The following ZNF407 variants were observed in gnomAD, a reference collection of about 807,000 sequenced individuals.
The protein encoded by ZNF407 is zinc finger protein 407.
In ZNF407, 17 loss-of-function variants were observed where a neutral mutation model predicts 131.2. The observed-to-expected ratio is 0.13, with a 90% CI of 0.09 to 0.19. ZNF407 has a LOEUF of 0.19. Among genes scored for constraint, ZNF407 ranks in the 10% least tolerant of loss-of-function variants. The pLI, the probability that ZNF407 is intolerant of heterozygous loss-of-function variation, is 1.00. For synonymous variants in ZNF407, 1,156 were observed against 1,062.0 expected, an observed-to-expected ratio of 1.09 and a Z score of -1.72; for missense variants, 2,681 against 2,830.6, an observed-to-expected ratio of 0.95 and a Z score of 1.20.
chr18:74,599,914 G>GT, intron 1 of ZNF407, among the ~76,000 whole-genome samples: 1 of 152,262 alleles, frequency 6.6e-6, no homozygotes. Context: ...GTTGAGATTG[G>GT]TTTTTTAGGA....
At chr18:75,003,870 C>A (rs1223215555) in intron 8 of ZNF407, among the ~76,000 whole-genome samples, 1 of 152,172 alleles carries the variant, frequency 6.6e-6, no homozygotes, top group Non-Finnish European at 1.5e-5. Flanking sequence ...AGAGTTAGAA[C>A]CTTCTACAGA....
intron 7 of ZNF407, among the ~76,000 whole-genome samples, chr18:74,897,306 TTTTG>T (rs1971465417): frequency 6.6e-6 from 1 of 152,240 alleles, no homozygotes; most frequent in African/African-American, 2.4e-5. Context: ...AGATCCTACT[TTTTG>T]TTGATCAGTT....
At chr18:75,021,323 C>T (rs1339065309) in intron 8 of ZNF407, among the ~76,000 whole-genome samples, 1 of 151,834 alleles carries the variant, frequency 6.6e-6, no homozygotes, top group Non-Finnish European at 1.5e-5. Flanking sequence ...GGCTGGAGTA[C>T]AGTGGTGCAA....
At chr18:74,881,754 T>A (rs930415147) in intron 6 of ZNF407, among the ~76,000 whole-genome samples, 2 of 152,362 alleles carry the variant, frequency 1.3e-5, no homozygotes, top group Middle Eastern at 6.8e-3. Context: ...TGTGCATTCT[T>A]GGTGATTCAT....
chr18:74,673,917 T>C (rs931551806), intron 3 of ZNF407, among the ~76,000 whole-genome samples: 1 of 152,198 alleles, frequency 6.6e-6, no homozygotes, highest in Non-Finnish European at 1.5e-5. Context: ...ATCAAAGCCC[T>C]CTGACCTACC....
rs754506078 is a variant in ZNF407 at position 74,834,308 on chromosome 18, T to C, written c.4878-42889T>C. ...AAAAATTGGCCCCATAGGGCCTTCT[T>C]GCAGCATGACCCAATTCCTTTACTT... On this transcript the variant is annotated intron_variant, in intron 4 of 8. Coordinates refer to ENST00000299687, the MANE Select transcript of ZNF407 (RefSeq NM_017757.3). Among the ~76,000 whole-genome samples the C allele has an allele frequency of 9.2e-4, 140 of 152,350 alleles. 2 individuals are homozygous for C. Among genetic ancestry groups the C allele is most frequent in the Admixed American group, 3.2e-3 (49 of 15,306 alleles).
chr18:74,672,031 T>A (rs1986159151), intron 3 of ZNF407, among the ~76,000 whole-genome samples: 1 of 152,176 alleles, frequency 6.6e-6, no homozygotes, highest in South Asian at 2.1e-4. Flanking sequence ...TTTGTGGGCA[T>A]GTGTCTTTAT....
chr18:74,914,553 C>G (rs1338434072), intron 7 of ZNF407, among the ~76,000 whole-genome samples: 1 of 152,144 alleles, frequency 6.6e-6, no homozygotes, highest in Non-Finnish European at 1.5e-5. Flanking sequence ...CTTACCTTCT[C>G]TAAAGAAAAA....
rs191828642 is a variant in ZNF407, at chr18:74,905,743, G to A, written c.5250-14771G>A. 74 of 152,302 alleles carry A rather than the reference G, an allele frequency of 4.9e-4. 1 individual carries two copies. The East Asian group carries it at 0.014, about 29-fold the overall frequency. 9.4% of individuals were successfully genotyped at this position (152,302 alleles called of 1,614,324 possible). A position where few individuals can be genotyped will look rare whatever the true frequency, so the allele number is the denominator to read the frequency against. ...AGATTTATGAAAAGCAAAAAGTAATGAGTAAATGATCTAATGGAAATTATC... is the reference window on the plus strand; with the variant it reads ...AGATTTATGAAAAGCAAAAAGTAATAAGTAAATGATCTAATGGAAATTATC... On this transcript the variant is annotated intron_variant, in intron 7 of 8. Coordinates refer to ENST00000299687, the MANE Select transcript of ZNF407 (RefSeq NM_017757.3).
intron 7 of ZNF407, among the ~76,000 whole-genome samples, chr18:74,902,313 T>C (rs1971537103): frequency 6.6e-6 from 1 of 152,214 alleles, no homozygotes; most frequent in Non-Finnish European, 1.5e-5. Context: ...ACAGCAGTTA[T>C]TCAAGTCGAG....
intron 3 of ZNF407, among the ~76,000 whole-genome samples, chr18:74,671,402 G>A (rs1448264949): frequency 6.6e-6 from 1 of 151,762 alleles, no homozygotes; most frequent in Non-Finnish European, 1.5e-5. Context: ...ATGTGAAGGT[G>A]TGTTATATAG....
chr18:74,755,763 T>C (rs1343375559), intron 3 of ZNF407, among the ~76,000 whole-genome samples: 1 of 127,170 alleles, frequency 7.9e-6, no homozygotes, highest in African/African-American at 3.6e-5. Flanking sequence ...CTTTCTTTCT[T>C]TCTTTCTTTC....
At chr18:74,905,555 C>T (rs534782589) in intron 7 of ZNF407, 1 of 152,362 alleles carries the variant, frequency 6.6e-6, no homozygotes, top group South Asian at 2.1e-4. Context: ...CAGTGTTCAT[C>T]CACTTCTGTG....
intron 8 of ZNF407, among the ~76,000 whole-genome samples, chr18:75,031,837 T>C (rs1387812552): frequency 3.3e-5 from 5 of 152,234 alleles, no homozygotes; most frequent in African/African-American, 1.2e-4. Flanking sequence ...TTGTATTAAG[T>C]GTTTTTTGAG....
chr18:74,682,287 C>A (rs760384834), intron 3 of ZNF407, among the ~76,000 whole-genome samples: 5 of 152,090 alleles, frequency 3.3e-5, no homozygotes, highest in Non-Finnish European at 5.9e-5. Flanking sequence ...AACAGTTGAC[C>A]CTGTTCTTGG....
intron 4 of ZNF407, among the ~76,000 whole-genome samples, chr18:74,801,177 A>T (rs1970013165): frequency 6.6e-6 from 1 of 152,174 alleles, no homozygotes; most frequent in South Asian, 2.1e-4. Context: ...ATCAATTATC[A>T]ACTAATTTTT....
intron 3 of ZNF407, among the ~76,000 whole-genome samples, chr18:74,665,537 G>A (rs144148363): frequency 2.6e-5 from 4 of 152,294 alleles, no homozygotes; most frequent in African/African-American, 9.6e-5. Context: ...TGAGAAATAC[G>A]TGTTTTGGCT....
intron 3 of ZNF407, among the ~76,000 whole-genome samples, chr18:74,775,955 G>A (rs1003329402): frequency 1.3e-5 from 2 of 152,156 alleles, no homozygotes; most frequent in South Asian, 2.1e-4. Flanking sequence ...TAAACTGCTC[G>A]TTAGAAATCT....
chr18:74,860,835 A>C (rs1348460072), intron 4 of ZNF407, among the ~76,000 whole-genome samples: 1 of 152,160 alleles, frequency 6.6e-6, no homozygotes, highest in Non-Finnish European at 1.5e-5. Context: ...AAAAATATTC[A>C]TTATAAGACA....
Sources: allele counts gnomAD v4.1 joint callset (sites outside exome capture counted in the v4.1 genomes callset), GRCh38; gene constraint gnomAD v4.1.1; transcripts MANE v1.5; gene names NCBI Gene and HGNC (gene_info 2026-07-23, HGNC 2026-07-21).